CDH18: variants seen among roughly 807,000 people sequenced by gnomAD.
CDH18 encodes cadherin-18.
A neutral mutation model predicts 67.9 loss-of-function variants in CDH18; 31 were observed. The observed-to-expected ratio is 0.46, with a 90% confidence interval of 0.34 to 0.62. CDH18 has a LOEUF of 0.62. CDH18 is among the 20% of genes least tolerant of loss of function. The pLI is 0.01. For missense variants in CDH18, 890 were observed against 975.5 expected (o/e 0.91, Z 1.17); for synonymous variants, 362 against 347.2 (o/e 1.04, Z -0.48).
intron 5 of CDH18, among the ~76,000 whole-genome samples, chr5:19,664,368 T>G (rs546468485): frequency 6.6e-6 from 1 of 152,064 alleles, no homozygotes; most frequent in African/African-American, 2.4e-5. Flanking sequence ...TTTGTGATTA[T>G]TGCATTTGTG....
intron 5 of CDH18, among the ~76,000 whole-genome samples, chr5:19,704,204 A>T (rs1763650383): frequency 6.6e-6 from 1 of 152,136 alleles, no homozygotes; most frequent in Non-Finnish European, 1.5e-5. Context: ...AAAGAAATAT[A>T]AAGGTTTGGT....
intron 1 of CDH18, among the ~76,000 whole-genome samples, chr5:20,546,032 A>ACAT (rs1033432796): frequency 1.1e-4 from 16 of 152,110 alleles, no homozygotes; most frequent in African/African-American, 2.9e-4. Flanking sequence ...TAGATACACT[A>ACAT]CATCATCTCT....
At chr5:20,159,379 G>T (rs1751801968) in intron 2 of CDH18, among the ~76,000 whole-genome samples, 1 of 152,236 alleles carries the variant, frequency 6.6e-6, no homozygotes, top group Non-Finnish European at 1.5e-5. Flanking sequence ...GCCCTAGGAG[G>T]AGGAATCTGG....
intron 1 of CDH18, among the ~76,000 whole-genome samples, chr5:20,273,500 T>C (rs1745586159): frequency 6.6e-6 from 1 of 152,108 alleles, no homozygotes; most frequent in Non-Finnish European, 1.5e-5. Flanking sequence ...TATGCCTTAG[T>C]ATTACTGCTG....
intron 2 of CDH18, among the ~76,000 whole-genome samples, chr5:20,137,216 C>A (rs183274513): frequency 1.2e-4 from 18 of 152,252 alleles, no homozygotes; most frequent in Non-Finnish European, 2.6e-4. Context: ...CTTTCAGGTA[C>A]ACCAGTCCGA....
chr5:19,976,190 T>A (rs1798480960), intron 2 of CDH18, among the ~76,000 whole-genome samples: 1 of 152,182 alleles, frequency 6.6e-6, no homozygotes, highest in Non-Finnish European at 1.5e-5. Context: ...TAAACTTCCA[T>A]AAATTCTGTT....
chr5:19,480,053 T>C (rs1261498368), intron 12 of CDH18, among the ~76,000 whole-genome samples: 1 of 152,154 alleles, frequency 6.6e-6, no homozygotes, highest in East Asian at 1.9e-4. Flanking sequence ...ATATTTATCT[T>C]AGTAAACAAA....
At chr5:20,550,478 C>T (rs995283305) in intron 1 of CDH18, among the ~76,000 whole-genome samples, 2 of 152,124 alleles carry the variant, frequency 1.3e-5, no homozygotes, top group Non-Finnish European at 2.9e-5. Flanking sequence ...TAGAACTTTT[C>T]TTCTCTAAAT....
chr5:20,329,768 C>CAAAAAAAA (rs60246535), intron 1 of CDH18, among the ~76,000 whole-genome samples: 6 of 62,560 alleles, frequency 9.6e-5, no homozygotes, highest in African/African-American at 1.2e-4. Flanking sequence ...GAAACTCCAT[C>CAAAAAAAA]AAAAAAAAAA....
chr5:19,728,696 T>G (rs995455037), intron 4 of CDH18, among the ~76,000 whole-genome samples: 2 of 152,192 alleles, frequency 1.3e-5, no homozygotes, highest in African/African-American at 4.8e-5. Flanking sequence ...GACTGCAAAT[T>G]GTTATGCATG....
intron 9 of CDH18, among the ~76,000 whole-genome samples, chr5:19,525,440 T>C (rs1007813152): frequency 6.6e-6 from 1 of 152,138 alleles, no homozygotes; most frequent in Admixed American, 6.5e-5. Flanking sequence ...TATCATTCAG[T>C]GTCCTGTAGG....
chr5:19,767,504 A>T (rs991418236), intron 3 of CDH18, among the ~76,000 whole-genome samples: 1 of 152,132 alleles, frequency 6.6e-6, no homozygotes, highest in Non-Finnish European at 1.5e-5. Flanking sequence ...ATATTATTTT[A>T]TTAATGGATA....
At chr5:20,089,452 G>A (rs976927132) in intron 2 of CDH18, among the ~76,000 whole-genome samples, 1 of 152,028 alleles carries the variant, frequency 6.6e-6, no homozygotes, top group African/African-American at 2.4e-5. Context: ...TATTCTAATG[G>A]TTGAAATATA....
At chr5:19,710,214 G>A (rs879517676) in intron 5 of CDH18, among the ~76,000 whole-genome samples, 2 of 152,022 alleles carry the variant, frequency 1.3e-5, no homozygotes, top group Non-Finnish European at 2.9e-5. Flanking sequence ...TCAATATATG[G>A]AAGATGGGAA....
In CDH18 at chr5:20,000,994, T is replaced by C. The variant is rs1736396652; in HGVS notation, c.-517-8980A>G. Among the ~76,000 whole-genome samples, 10 of 152,292 alleles carry C rather than the reference T, an allele frequency of 6.6e-5. No homozygotes were observed. The South Asian group carries it at 2.1e-3, about 32-fold the overall frequency. On this transcript the variant is annotated intron_variant, in intron 2 of 14. Coordinates refer to the CDH18 transcript ENST00000507958. ...TTCACATTTGCAAAGGTTGGCAAAGTCAAAATGTGGCAACTCCAGGGTAAG... is the reference window on the plus strand; with the variant it reads ...TTCACATTTGCAAAGGTTGGCAAAGCCAAAATGTGGCAACTCCAGGGTAAG...
chr5:19,686,772 A>G (rs1761156408), intron 5 of CDH18, among the ~76,000 whole-genome samples: 2 of 152,168 alleles, frequency 1.3e-5, no homozygotes, highest in Admixed American at 1.3e-4. Context: ...TCACAGTAAA[A>G]CATGGGACTT....
chr5:19,493,221 C>T (rs1277819591), intron 11 of CDH18, among the ~76,000 whole-genome samples: 2 of 152,190 alleles, frequency 1.3e-5, no homozygotes, highest in African/African-American at 4.8e-5. Flanking sequence ...CTGCAAATTA[C>T]ATAATTACAT....
intron 2 of CDH18, among the ~76,000 whole-genome samples, chr5:20,134,951 T>C (rs1172160936): frequency 6.6e-6 from 1 of 152,134 alleles, no homozygotes; most frequent in Admixed American, 6.6e-5. Flanking sequence ...TAATTGCTTC[T>C]CCAGTGGCAT....
At chr5:19,530,490 T>G (rs990899139) in intron 9 of CDH18, among the ~76,000 whole-genome samples, 1 of 152,184 alleles carries the variant, frequency 6.6e-6, no homozygotes, top group Non-Finnish European at 1.5e-5. Context: ...TGTGCAGGTT[T>G]GTTACATATG....
Sources: gnomAD v4.1 joint callset for allele counts (sites outside exome capture counted in the v4.1 genomes callset) on GRCh38, gnomAD v4.1.1 for gene constraint, MANE v1.5 for transcripts, NCBI Gene and HGNC (gene_info 2026-07-23, HGNC 2026-07-21) for gene names.